Variants in MAP3K5 observed in about 807,000 individuals in gnomAD.
MAP3K5 encodes mitogen-activated protein kinase kinase kinase 5.
Under a neutral mutation model 158.7 loss-of-function variants are expected in MAP3K5, and 56 were observed. That is an observed-to-expected ratio of 0.35 (90% CI 0.28 to 0.44). MAP3K5 has a LOEUF of 0.44. Among genes scored for constraint, MAP3K5 ranks in the 20% least tolerant of loss-of-function variants. The pLI, the probability that MAP3K5 is intolerant of heterozygous loss-of-function variation, is 1.00. For missense variants in MAP3K5, 1,294 were observed against 1,674.8 expected (o/e 0.77, Z 3.97); for synonymous variants, 579 against 601.7 (o/e 0.96, Z 0.55).
At chr6:136,604,364 A>G (rs893668968) in intron 19 of MAP3K5, among the ~76,000 whole-genome samples, 9 of 152,078 alleles carry the variant, frequency 5.9e-5, no homozygotes, top group Non-Finnish European at 1.2e-4. Context: ...AAAGAAAAAA[A>G]AAGAAAAGAA....
chr6:136,665,060 G>A (rs747646944), intron 8 of MAP3K5, among the ~76,000 whole-genome samples: 3 of 152,172 alleles, frequency 2.0e-5, no homozygotes, highest in Non-Finnish European at 2.9e-5. Flanking sequence ...ACTGACAGCT[G>A]GGTCTTCCCA....
intron 15 of MAP3K5, among the ~76,000 whole-genome samples, chr6:136,621,412 T>G (rs1417956407): frequency 6.6e-6 from 1 of 152,228 alleles, no homozygotes; most frequent in East Asian, 1.9e-4. Context: ...CCATATCTGG[T>G]TCAGGTTCTG....
At chr6:136,713,663 T>C (rs1392255207) in intron 2 of MAP3K5, among the ~76,000 whole-genome samples, 1 of 152,202 alleles carries the variant, frequency 6.6e-6, no homozygotes, top group Non-Finnish European at 1.5e-5. Flanking sequence ...GATGGAATGA[T>C]TATAGCTTAG....
chr6:136,666,287 T>C (rs1779228377), intron 8 of MAP3K5, among the ~76,000 whole-genome samples: 1 of 152,206 alleles, frequency 6.6e-6, no homozygotes, highest in Non-Finnish European at 1.5e-5. Context: ...CAGTTAAGAA[T>C]CATTTCTTAC....
chr6:136,653,673 T>G (rs747319857), intron 10 of MAP3K5, among the ~76,000 whole-genome samples: 4 of 152,224 alleles, frequency 2.6e-5, no homozygotes, highest in African/African-American at 9.6e-5. Flanking sequence ...TCTATATGGC[T>G]TTCATTATTT....
chr6:136,624,942 G>A (rs1471286891), intron 14 of MAP3K5, among the ~76,000 whole-genome samples: 2 of 152,176 alleles, frequency 1.3e-5, no homozygotes, highest in Non-Finnish European at 2.9e-5. Context: ...GAACCTTCCT[G>A]CTAAAAACAC....
chr6:136,604,184 T>C (rs1775999124), intron 19 of MAP3K5, among the ~76,000 whole-genome samples: 1 of 151,822 alleles, frequency 6.6e-6, no homozygotes, highest in Non-Finnish European at 1.5e-5. Flanking sequence ...TAGCTGGGTG[T>C]CATGGTGTGT....
At chr6:136,675,069 C>T (rs1779648675) in intron 7 of MAP3K5, among the ~76,000 whole-genome samples, 1 of 151,624 alleles carries the variant, frequency 6.6e-6, no homozygotes, top group Non-Finnish European at 1.5e-5. Context: ...ACAAAATTGA[C>T]TTTAAGATAA....
Position 136,604,615 on chromosome 6 carries a change from T to C in MAP3K5, c.2679+594A>G, listed in dbSNP as rs112531834. Among the ~76,000 whole-genome samples the C allele has an allele frequency of 1.3e-3, 198 of 152,178 alleles. 1 individual carries two copies. The highest frequency in any genetic ancestry group is 1.9e-3 in the Non-Finnish European group (132 of 67,994). On this transcript the variant is annotated intron_variant, in intron 19 of 29. Transcript: ENST00000359015. Reference sequence around the variant, plus strand: ...GATCTCAAAATGCTGGCACTTGTGCTCTCATGAGCCTATTTCTATTATCAG... The same window carrying C: ...GATCTCAAAATGCTGGCACTTGTGCCCTCATGAGCCTATTTCTATTATCAG...
At position 136,792,274 on chromosome 6, in the gene MAP3K5, C is replaced by T. The variant is rs1256007663; in HGVS notation, c.-117G>A. On this transcript the variant is annotated 5_prime_UTR_variant, in exon 1 of 30. Coordinates refer to ENST00000359015, the MANE Select transcript of MAP3K5 (RefSeq NM_005923.4). This position sits in a 1 kb window ranked among gnomAD's most constrained non-coding sequence, Gnocchi z 5.7. The stretch of plus-strand genomic sequence containing the variant: ...GCTAAGCAGCTGCCATCGCGCGCCG[C>T]GCCCTCGCCGCCGCGCCGCCGCCTC... The T allele has an allele frequency of 3.5e-6, 4 of 1,129,222 alleles. No individual in the cohort carries two copies. The highest frequency in any genetic ancestry group is 4.3e-6 in the Non-Finnish European group (4 of 927,550). 70.0% of individuals were successfully genotyped at this position (1,129,222 alleles called of 1,614,324 possible).
Position 136,720,514 on chromosome 6 carries a change from A to G in MAP3K5, c.524T>C (p.Phe175Ser). 1 of 1,613,674 alleles carries G rather than the reference A, an allele frequency of 6.2e-7. No individual in the cohort carries two copies. The highest frequency in any genetic ancestry group is 8.5e-7 in the Non-Finnish European group (1 of 1,179,758). ...LFYHLGVRES[F>S]SMANNIILYC... ...GAGGATGATGTTGTTGGCCATGCTG[A>G]AACTTTCTCTCACCCCAAGGTGGTA... The change falls in exon 2 of 30, where the codon TTC becomes TCC. Residue 175 changes from phenylalanine (F) to serine (S), a missense_variant. Phe to Ser is a radical substitution (Grantham distance 155). Around this residue, in one of 5 missense-constraint regions of MAP3K5, gnomAD observed 690 missense variants for 870.5 expected, o/e 0.79. Coordinates refer to ENST00000359015, the MANE Select transcript of MAP3K5 (RefSeq NM_005923.4).
intron 1 of MAP3K5, among the ~76,000 whole-genome samples, chr6:136,754,005 T>G (rs1289976012): frequency 6.6e-6 from 1 of 152,222 alleles, no homozygotes; most frequent in East Asian, 1.9e-4. Context: ...CTGGGTGCAG[T>G]GGCTCACGCC....
At chr6:136,571,330 T>C (rs1202273907) in intron 25 of MAP3K5, among the ~76,000 whole-genome samples, 1 of 151,940 alleles carries the variant, frequency 6.6e-6, no homozygotes, top group Non-Finnish European at 1.5e-5. Context: ...ACTGTGGGAG[T>C]GAAAGGGATG....
intron 7 of MAP3K5, among the ~76,000 whole-genome samples, chr6:136,679,278 G>C (rs1779833713): frequency 6.6e-6 from 1 of 152,076 alleles, no homozygotes; most frequent in African/African-American, 2.4e-5. Context: ...AAAAATAAAG[G>C]AAATATTCTT....
intron 23 of MAP3K5, among the ~76,000 whole-genome samples, chr6:136,584,807 C>G (rs1424483324): frequency 6.6e-6 from 1 of 152,186 alleles, no homozygotes; most frequent in Non-Finnish European, 1.5e-5. Flanking sequence ...GGCTCATATT[C>G]TGTTTTCAGT....
At chr6:136,728,868 C>T (rs1300535572) in intron 1 of MAP3K5, among the ~76,000 whole-genome samples, 2 of 151,958 alleles carry the variant, frequency 1.3e-5, no homozygotes, top group African/African-American at 4.8e-5. Flanking sequence ...TTTTGCACTT[C>T]CAGAGGTTGG....
chr6:136,647,317 A>G (rs1042734988), intron 11 of MAP3K5, among the ~76,000 whole-genome samples: 17 of 152,166 alleles, frequency 1.1e-4, no homozygotes, highest in African/African-American at 4.1e-4. Flanking sequence ...CTTAATCTTC[A>G]CAACAATTCT....
At chr6:136,560,713 T>C (rs971648324) in intron 28 of MAP3K5, among the ~76,000 whole-genome samples, 1 of 152,096 alleles carries the variant, frequency 6.6e-6, no homozygotes, top group Non-Finnish European at 1.5e-5. Context: ...TCTGAGAGGC[T>C]GAGGTGAGAG....
intron 7 of MAP3K5, among the ~76,000 whole-genome samples, chr6:136,686,999 C>T (rs1338150782): frequency 6.6e-6 from 1 of 152,140 alleles, no homozygotes; most frequent in Non-Finnish European, 1.5e-5. Context: ...AAGCTGGAGG[C>T]ATCATGCTAC....
Sources: allele counts gnomAD v4.1 joint callset (sites outside exome capture counted in the v4.1 genomes callset), GRCh38; gene constraint gnomAD v4.1.1; regional missense constraint gnomAD v4.1.1; non-coding constraint Gnocchi (gnomAD v3.1); transcripts MANE v1.5; gene names NCBI Gene and HGNC (gene_info 2026-07-23, HGNC 2026-07-21).